Variants in DYRK1A observed in about 807,000 individuals in gnomAD.
DYRK1A encodes dual specificity tyrosine-phosphorylation-regulated kinase 1A.
A neutral mutation model predicts 79.7 loss-of-function variants in DYRK1A; 9 were observed. The observed-to-expected ratio is 0.11, with a 90% CI of 0.07 to 0.20. The LOEUF (loss-of-function observed/expected upper bound fraction) is 0.20. Among genes scored for constraint, DYRK1A ranks in the 10% least tolerant of loss-of-function variants. DYRK1A has a pLI of 1.00. For synonymous variants in DYRK1A, 349 were observed against 329.7 expected, an observed-to-expected ratio of 1.06 and a Z score of -0.63; for missense variants, 622 against 956.0, an observed-to-expected ratio of 0.65 and a Z score of 4.61.
At chr21:37,386,857 A>G (rs759999260) in intron 1 of DYRK1A, among the ~76,000 whole-genome samples, 4 of 152,220 alleles carry the variant, frequency 2.6e-5, no homozygotes, top group Non-Finnish European at 4.4e-5. Flanking sequence ...AACAGTGCCC[A>G]TGGGAAGAAG....
At chr21:37,483,567 TTTTTGTTTTGTTTTG>T (rs553868561) in intron 5 of DYRK1A, among the ~76,000 whole-genome samples, 3 of 152,042 alleles carry the variant, frequency 2.0e-5, no homozygotes, top group African/African-American at 7.2e-5. Flanking sequence ...GGAGTCCTTT[TTTTTGTTTTGTTTTG>T]TTTTGTTTTG....
chr21:37,458,354 T>C (rs933824479), intron 2 of DYRK1A, among the ~76,000 whole-genome samples: 21 of 150,314 alleles, frequency 1.4e-4, no homozygotes, highest in Non-Finnish European at 2.5e-4. Flanking sequence ...TAACTAGTAT[T>C]TCACTATCTT....
rs138752853 is a variant in DYRK1A at position 37,384,544 on chromosome 21, T to TAGTTGG, written c.-77+16916_-77+16917insAGTTGG. ...CAAACTAATCTGAAACTAATGTAAT[T>TAGTTGG]GCCTGTTACTACAGTGCCCAACATT... On this transcript the variant is annotated intron_variant, in intron 1 of 11. Transcript: ENST00000647188. Among the ~76,000 whole-genome samples the TAGTTGG allele has an allele frequency of 9.0e-3, 1,378 of 152,270 alleles. 16 individuals carry two copies. Among genetic ancestry groups the TAGTTGG allele is most frequent in the African/African-American group, 0.032 (1,323 of 41,560 alleles).
intron 1 of DYRK1A, chr21:37,375,030 C>A (rs1378965189): frequency 6.6e-6 from 1 of 152,288 alleles, no homozygotes. Flanking sequence ...CCTGACTCTT[C>A]GTTCTTTGTT....
chr21:37,444,720 T>C (rs1483019378), intron 2 of DYRK1A, among the ~76,000 whole-genome samples: 1 of 151,894 alleles, frequency 6.6e-6, no homozygotes, highest in African/African-American at 2.4e-5. Context: ...ATTTGGTGGG[T>C]AGGGGATGAT....
intron 1 of DYRK1A, among the ~76,000 whole-genome samples, chr21:37,410,034 A>G (rs761876552): frequency 2.0e-5 from 3 of 152,262 alleles, no homozygotes; most frequent in Non-Finnish European, 4.4e-5. Context: ...AGAATGGCCT[A>G]CAAAAGGAAC....
intron 2 of DYRK1A, among the ~76,000 whole-genome samples, chr21:37,446,675 C>T (rs2051283406): frequency 6.6e-6 from 1 of 151,828 alleles, no homozygotes. Context: ...GTCAGAGTGG[C>T]TTATCATCCC....
intron 11 of DYRK1A, among the ~76,000 whole-genome samples, chr21:37,510,925 CA>C (rs2053731959): frequency 1.3e-5 from 2 of 152,274 alleles, no homozygotes; most frequent in South Asian, 4.1e-4. Flanking sequence ...GAATATTGTG[CA>C]CAACCAGTAG....
intron 2 of DYRK1A, among the ~76,000 whole-genome samples, chr21:37,427,280 TTC>T: frequency 6.6e-6 from 1 of 152,292 alleles, no homozygotes; most frequent in African/African-American, 2.4e-5. Context: ...CCTGGCTAAC[TTC>T]TTTATTTTTA....
chr21:37,402,421 A>G (rs2050069931), intron 1 of DYRK1A, among the ~76,000 whole-genome samples: 1 of 152,056 alleles, frequency 6.6e-6, no homozygotes, highest in Non-Finnish European at 1.5e-5. Flanking sequence ...TAGCACTTTA[A>G]TGGTGTTCCA....
intron 1 of DYRK1A, among the ~76,000 whole-genome samples, chr21:37,387,506 T>TA (rs2049783167): frequency 6.6e-6 from 1 of 152,228 alleles, no homozygotes; most frequent in South Asian, 2.1e-4. Context: ...TTTGGTATAA[T>TA]AAAAAATATC....
chr21:37,425,039 A>G (rs1189268457), intron 2 of DYRK1A, among the ~76,000 whole-genome samples: 2 of 152,254 alleles, frequency 1.3e-5, no homozygotes, highest in African/African-American at 4.8e-5. Flanking sequence ...TGCATAAAGT[A>G]AAAAGAGACA....
chr21:37,508,124 C>T (rs1438355804), intron 11 of DYRK1A, among the ~76,000 whole-genome samples: 1 of 152,172 alleles, frequency 6.6e-6, no homozygotes, highest in African/African-American at 2.4e-5. Flanking sequence ...TCTGGATTCA[C>T]CACATCTTAA....
chr21:37,380,316 T>G (rs1035027732), intron 1 of DYRK1A, among the ~76,000 whole-genome samples: 1 of 152,248 alleles, frequency 6.6e-6, no homozygotes, highest in African/African-American at 2.4e-5. Context: ...GCTTCTGTGA[T>G]ATAAAAGATT....
At chr21:37,379,790 T>C (rs1267608478) in intron 1 of DYRK1A, among the ~76,000 whole-genome samples, 2 of 152,228 alleles carry the variant, frequency 1.3e-5, no homozygotes, top group East Asian at 3.8e-4. Context: ...TCTTTATTTT[T>C]TCATGTATCC....
intron 2 of DYRK1A, among the ~76,000 whole-genome samples, chr21:37,453,714 C>G (rs62222280): frequency 9.2e-5 from 14 of 152,186 alleles, no homozygotes; most frequent in Admixed American, 4.6e-4. Flanking sequence ...TATTATAACT[C>G]TTCCTTCCCC....
At chr21:37,403,314 A>C (rs533409236) in intron 1 of DYRK1A, among the ~76,000 whole-genome samples, 2 of 152,278 alleles carry the variant, frequency 1.3e-5, no homozygotes, top group South Asian at 4.1e-4. Flanking sequence ...CTTTGAATGT[A>C]TAAAATAGCT....
intron 2 of DYRK1A, among the ~76,000 whole-genome samples, chr21:37,468,011 T>G (rs1423646678): frequency 6.6e-6 from 1 of 152,200 alleles, no homozygotes; most frequent in Non-Finnish European, 1.5e-5. Context: ...CACCATTCTA[T>G]AGAGATCAAT....
At position 37,379,362 on chromosome 21, in the gene DYRK1A, C is replaced by A. The variant is rs538350287; in HGVS notation, c.-77+11734C>A. ...AATTATACTTTAATTTCCAACAGAC[C>A]AAAGTGAGTATTTCTGGATTCAAAC... On this transcript the variant is annotated intron_variant, in intron 1 of 11. Transcript: ENST00000647188. 4.7e-4 allele frequency among the ~76,000 whole-genome samples: 72 copies of A among 152,052 alleles called. No individual in the cohort carries two copies. The South Asian group carries it at 6.4e-3, about 14-fold the overall frequency.
Sources: allele counts gnomAD v4.1 joint callset (sites outside exome capture counted in the v4.1 genomes callset), GRCh38; gene constraint gnomAD v4.1.1; transcripts MANE v1.5; gene names NCBI Gene and HGNC (gene_info 2026-07-23, HGNC 2026-07-21).